The following CAMTA1 variants were observed in gnomAD, a reference collection of about 807,000 sequenced individuals.
CAMTA1 encodes the protein calmodulin-binding transcription activator 1.
A neutral mutation model predicts 170.9 loss-of-function variants in CAMTA1; 27 were observed. The ratio of observed to expected loss-of-function variants is 0.16; its 90% CI spans 0.12 to 0.22. CAMTA1 has a LOEUF of 0.22. Among genes scored for constraint, CAMTA1 ranks in the 10% least tolerant of loss-of-function variants. CAMTA1 has a pLI of 1.00. For synonymous variants in CAMTA1, 833 were observed against 891.5 expected (o/e 0.93, Z 1.17); for missense variants, 1,619 against 2,217.2 (o/e 0.73, Z 5.42).
intron 11 of CAMTA1, among the ~76,000 whole-genome samples, chr1:7,708,359 G>A (rs752210883): frequency 7.2e-5 from 11 of 151,948 alleles, no homozygotes; most frequent in Admixed American, 2.6e-4. Context: ...ATAGCCAGGC[G>A]TGGTGGCTTT....
At chr1:7,397,029 G>T (rs1032808364) in intron 5 of CAMTA1, among the ~76,000 whole-genome samples, 1 of 152,116 alleles carries the variant, frequency 6.6e-6, no homozygotes, top group African/African-American at 2.4e-5. Context: ...GAGTTTGGAA[G>T]AATTCCCTCT....
chr1:6,926,377 T>C (rs1264942879), intron 3 of CAMTA1, among the ~76,000 whole-genome samples: 1 of 147,240 alleles, frequency 6.8e-6, no homozygotes, highest in Non-Finnish European at 1.5e-5. Context: ...CCTTTCTCTT[T>C]CTTTCTCTGT....
intron 3 of CAMTA1, chr1:7,008,769 A>G (rs948945880): frequency 6.6e-6 from 1 of 152,258 alleles, no homozygotes; most frequent in African/African-American, 2.4e-5. Flanking sequence ...ATATTATTGC[A>G]TAAGTGCAAA....
chr1:7,446,600 T>C (rs866620996), intron 5 of CAMTA1, among the ~76,000 whole-genome samples: 55 of 152,322 alleles, frequency 3.6e-4, no homozygotes, highest in African/African-American at 1.2e-3. Context: ...ACGGAGCTCA[T>C]GTGGCTTGTA....
rs747299202 is a variant in CAMTA1, at chr1:7,493,274, AACATAC to A, written c.510+25376_510+25381del. ...ACAAACCTACGTACACACGCACACA[AACATAC>A]ACGCGCACAAACACAAACATACAAA... On this transcript the variant is annotated intron_variant, in intron 6 of 22. Coordinates refer to ENST00000303635, the MANE Select transcript of CAMTA1 (RefSeq NM_015215.4). 7.1e-3 allele frequency among the ~76,000 whole-genome samples: 903 copies of A among 127,336 alleles called. 12 individuals are homozygous for A. The highest frequency in any genetic ancestry group is 0.025 in the African/African-American group (648 of 25,522). 83.5% of individuals were successfully genotyped at this position (127,336 alleles called of 152,430 possible). A position where few individuals can be genotyped will look rare whatever the true frequency, so the allele number is the denominator to read the frequency against.
Position 6,970,463 on chromosome 1 carries a change from G to T in CAMTA1, c.235-120841G>T, listed in dbSNP as rs1171363207. Among the ~76,000 whole-genome samples, 2 of 152,128 alleles carry T rather than the reference G, an allele frequency of 1.3e-5. No homozygotes were observed. The highest frequency in any genetic ancestry group is 2.9e-5 in the Non-Finnish European group (2 of 68,036). On this transcript the variant is annotated intron_variant, in intron 3 of 22. Transcript: ENST00000303635. This position sits in a 1 kb window ranked among gnomAD's most constrained non-coding sequence, Gnocchi z 4.4. ...AGGCCGGTCCCAGACCAGCATCGGTGAGGAGGTAATGGGGGTTCTTGCCAG... is the reference window on the plus strand; with the variant it reads ...AGGCCGGTCCCAGACCAGCATCGGTTAGGAGGTAATGGGGGTTCTTGCCAG...
chr1:7,552,617 G>A (rs1453402007), intron 6 of CAMTA1, among the ~76,000 whole-genome samples: 1 of 152,200 alleles, frequency 6.6e-6, no homozygotes, highest in African/African-American at 2.4e-5. Flanking sequence ...GTCCATCCCG[G>A]GTCACTGCCC....
chr1:7,455,598 C>T lies in CAMTA1; in HGVS notation c.439-12232C>T, dbSNP rs2092931515. 6.6e-6 allele frequency among the ~76,000 whole-genome samples: 1 copy of T among 152,230 alleles called. No homozygotes were observed. Among genetic ancestry groups the T allele is most frequent in the Non-Finnish European group, 1.5e-5 (1 of 68,046 alleles). On this transcript the variant is annotated intron_variant, in intron 5 of 22. Transcript: ENST00000303635. This position sits in a 1 kb window ranked among gnomAD's most constrained non-coding sequence, Gnocchi z 5.0. ...TCCGTTTTAAGCAAGAATCCCTGCC[C>T]AGACTCCCTGGCCACATGCAGCCGC...
chr1:7,003,876 C>T (rs1698600046), intron 3 of CAMTA1, among the ~76,000 whole-genome samples: 1 of 152,184 alleles, frequency 6.6e-6, no homozygotes, highest in Admixed American at 6.5e-5. Context: ...GGGTCAAGGC[C>T]TGCCAACACA....
chr1:7,671,051 C>T lies in CAMTA1; in HGVS notation c.2779+14C>T. The T allele has an allele frequency of 6.2e-7, 1 of 1,612,122 alleles. No homozygotes were observed. The highest frequency in any genetic ancestry group is 8.5e-7 in the Non-Finnish European group (1 of 1,179,552). On this transcript the variant is annotated intron_variant, in intron 10 of 22. Coordinates refer to ENST00000303635, the MANE Select transcript of CAMTA1 (RefSeq NM_015215.4). ...GCTACTGCCCAGGTGAGAAAGCCGC[C>T]CCCCAGGCCCCCAAGGTGAGTGTGA...
chr1:7,666,895 G>GTTTTA (rs1307639077), intron 9 of CAMTA1, among the ~76,000 whole-genome samples: 1 of 151,790 alleles, frequency 6.6e-6, no homozygotes, highest in Admixed American at 6.6e-5. Context: ...GTTTTGTTTT[G>GTTTTA]TTTTGTTTTT....
intron 6 of CAMTA1, among the ~76,000 whole-genome samples, chr1:7,528,412 A>G (rs2094453922): frequency 3.3e-5 from 5 of 152,116 alleles, no homozygotes; most frequent in Admixed American, 3.3e-4. Context: ...AGTTAACCAC[A>G]GCTAATATTT....
At chr1:7,323,357 T>C (rs565772977) in intron 5 of CAMTA1, among the ~76,000 whole-genome samples, 1 of 152,212 alleles carries the variant, frequency 6.6e-6, no homozygotes, top group East Asian at 1.9e-4. Flanking sequence ...CAGATATCCA[T>C]GTGGCTTGCT....
intron 3 of CAMTA1, among the ~76,000 whole-genome samples, chr1:6,837,730 TAACTC>T (rs1286815435): frequency 2.6e-5 from 4 of 152,234 alleles, no homozygotes; most frequent in African/African-American, 9.6e-5. Flanking sequence ...AATTTAGACT[TAACTC>T]TGTTTTATTT....
intron 6 of CAMTA1, among the ~76,000 whole-genome samples, chr1:7,636,853 C>T (rs1420464928): frequency 1.3e-5 from 2 of 152,094 alleles, no homozygotes; most frequent in Non-Finnish European, 1.5e-5. Context: ...AAATAAGCAC[C>T]GGTGATTGTT....
chr1:7,054,783 G>A (rs1245896792), intron 3 of CAMTA1, among the ~76,000 whole-genome samples: 2 of 152,202 alleles, frequency 1.3e-5, no homozygotes, highest in Admixed American at 6.5e-5. Flanking sequence ...TGGTATATGA[G>A]TCCACTCTCG....
At chr1:7,125,236 C>T (rs920227839) in intron 4 of CAMTA1, among the ~76,000 whole-genome samples, 2 of 152,144 alleles carry the variant, frequency 1.3e-5, no homozygotes, top group Non-Finnish European at 2.9e-5. Context: ...CCCTCCTCCA[C>T]GTCAGCCTGG....
chr1:7,517,630 A>C (rs1008033874), intron 6 of CAMTA1, among the ~76,000 whole-genome samples: 2 of 150,538 alleles, frequency 1.3e-5, no homozygotes, highest in South Asian at 4.2e-4. Context: ...GGTTGGGGAA[A>C]TTCCTGGGTG....
intron 5 of CAMTA1, among the ~76,000 whole-genome samples, chr1:7,319,085 A>G (rs1322437877): frequency 1.3e-5 from 2 of 152,168 alleles, no homozygotes; most frequent in Non-Finnish European, 2.9e-5. Flanking sequence ...TCCTCAGTCT[A>G]GGGGAGGGGG....
Sources: gnomAD v4.1 joint callset for allele counts (sites outside exome capture counted in the v4.1 genomes callset) on GRCh38, gnomAD v4.1.1 for gene constraint, Gnocchi (gnomAD v3.1) non-coding constraint, MANE v1.5 for transcripts, NCBI Gene and HGNC (gene_info 2026-07-23, HGNC 2026-07-21) for gene names.